Variants in HEMK2 observed in about 807,000 individuals in gnomAD.
HEMK2 encodes methyltransferase HEMK2.
chr21:28,835,910 G>A, the HEMK2 span, among the ~76,000 whole-genome samples: 25 of 151,834 alleles, frequency 1.6e-4, no homozygotes, highest in East Asian at 1.4e-3. Context: ...TGACATGGTC[G>A]TCAAATTAAC....
chr21:28,595,026 T>A, the HEMK2 span, among the ~76,000 whole-genome samples: 3 of 152,226 alleles, frequency 2.0e-5, no homozygotes, highest in Admixed American at 6.5e-5. Context: ...CAGTTATTAT[T>A]TTTTCAATTT....
At chr21:28,766,649 T>C in the HEMK2 span, among the ~76,000 whole-genome samples, 2 of 152,024 alleles carry the variant, frequency 1.3e-5, no homozygotes, top group South Asian at 2.1e-4. Context: ...ACGGTATATA[T>C]ACACCATGGA....
At chr21:28,736,278 C>A in the HEMK2 span, among the ~76,000 whole-genome samples, 2 of 152,194 alleles carry the variant, frequency 1.3e-5, no homozygotes, top group African/African-American at 4.8e-5. Flanking sequence ...CCCACACTGT[C>A]CGTGAAGTAG....
chr21:28,751,059 G>A, the HEMK2 span, among the ~76,000 whole-genome samples: 8 of 151,938 alleles, frequency 5.3e-5, no homozygotes, highest in Admixed American at 1.3e-4. Context: ...GTGAAACCCC[G>A]TCTCTATGAA....
At chr21:28,640,625 T>C in the HEMK2 span, among the ~76,000 whole-genome samples, 1 of 152,164 alleles carries the variant, frequency 6.6e-6, no homozygotes, top group African/African-American at 2.4e-5. Context: ...ATCTGGAAAG[T>C]TTCCTCTGAC....
the HEMK2 span, among the ~76,000 whole-genome samples, chr21:28,618,489 C>T: frequency 6.6e-6 from 1 of 152,116 alleles, no homozygotes; most frequent in Non-Finnish European, 1.5e-5. Context: ...TGTGTCAAAA[C>T]TACACTTGGA....
At chr21:28,877,263 A>G in the HEMK2 span, among the ~76,000 whole-genome samples, 2 of 69,200 alleles carry the variant, frequency 2.9e-5, no homozygotes, top group Non-Finnish European at 6.1e-5. Flanking sequence ...AGAGAAGGGA[A>G]GGAAGGAAGG....
At chr21:28,792,486 G>T in the HEMK2 span, among the ~76,000 whole-genome samples, 1 of 152,088 alleles carries the variant, frequency 6.6e-6, no homozygotes, top group Non-Finnish European at 1.5e-5. Flanking sequence ...AAAAGCTCAG[G>T]GACTCCAAAG....
the HEMK2 span, among the ~76,000 whole-genome samples, chr21:28,710,251 T>G: frequency 6.6e-6 from 1 of 152,180 alleles, no homozygotes; most frequent in East Asian, 1.9e-4. Flanking sequence ...AGGTTAAAAT[T>G]TCACTCCCTT....
the HEMK2 span, among the ~76,000 whole-genome samples, chr21:28,617,076 T>C: frequency 1.3e-5 from 2 of 152,154 alleles, no homozygotes; most frequent in Non-Finnish European, 1.5e-5. Flanking sequence ...GACTTAGACA[T>C]AGAAGCCAGA....
chr21:28,598,005 T>C, the HEMK2 span, among the ~76,000 whole-genome samples: 1 of 152,076 alleles, frequency 6.6e-6, no homozygotes, highest in Non-Finnish European at 1.5e-5. Flanking sequence ...GCTGAAAAGT[T>C]ACACTGAGGA....
At chr21:28,675,689 G>A in the HEMK2 span, among the ~76,000 whole-genome samples, 2 of 152,190 alleles carry the variant, frequency 1.3e-5, no homozygotes, top group Non-Finnish European at 2.9e-5. Flanking sequence ...AGCTGGGAAA[G>A]GCACAAACCC....
the HEMK2 span, among the ~76,000 whole-genome samples, chr21:28,797,415 G>A: frequency 6.6e-6 from 1 of 151,162 alleles, no homozygotes; most frequent in East Asian, 1.9e-4. Context: ...AGGCAACATG[G>A]TGAAACCCTG....
At chr21:28,825,869 T>C in the HEMK2 span, among the ~76,000 whole-genome samples, 2 of 152,208 alleles carry the variant, frequency 1.3e-5, no homozygotes, top group Non-Finnish European at 2.9e-5. Flanking sequence ...AATTGTGCTC[T>C]TAGAAGACTA....
At chr21:28,700,367 G>A in the HEMK2 span, among the ~76,000 whole-genome samples, 1 of 151,784 alleles carries the variant, frequency 6.6e-6, no homozygotes, top group South Asian at 2.1e-4. Flanking sequence ...AAAAACAAGG[G>A]GAATTATTAA....
the HEMK2 span, among the ~76,000 whole-genome samples, chr21:28,867,471 G>T: frequency 6.6e-6 from 1 of 152,152 alleles, no homozygotes; most frequent in Non-Finnish European, 1.5e-5. Context: ...TTCTAACAAG[G>T]GAAAATTGCA....
At chr21:28,671,382 T>G in the HEMK2 span, 2 of 152,240 alleles carry the variant, frequency 1.3e-5, no homozygotes, top group East Asian at 3.9e-4. Flanking sequence ...AGAGGAAGAT[T>G]TCAGGTTAAC....
chr21:28,859,789 C>CCCCTCCCCCAGCTCTCCATATA, the HEMK2 span, among the ~76,000 whole-genome samples: 1 of 152,094 alleles, frequency 6.6e-6, no homozygotes, highest in African/African-American at 2.4e-5. Flanking sequence ...GGCTCACATC[C>CCCCTCCCCCAGCTCTCCATATA]CCCTCCCCCA....
At chr21:28,640,011 C>T in the HEMK2 span, among the ~76,000 whole-genome samples, 1 of 152,022 alleles carries the variant, frequency 6.6e-6, no homozygotes, top group Non-Finnish European at 1.5e-5. Flanking sequence ...GAGACAAGGT[C>T]CTATTAGCAA....
Sources: allele counts gnomAD v4.1 joint callset (sites outside exome capture counted in the v4.1 genomes callset), GRCh38; gene constraint gnomAD v4.1.1; transcripts MANE v1.5; gene names NCBI Gene and HGNC (gene_info 2026-07-23, HGNC 2026-07-21).